Variants in CDH12 observed in about 807,000 individuals in gnomAD.
CDH12 encodes cadherin 12, also known as cadherin-12.
CDH12 carries 41 observed loss-of-function variants against 74.1 expected under a neutral mutation model. The observed-to-expected ratio is 0.55, with a 90% CI of 0.43 to 0.72. The LOEUF (loss-of-function observed/expected upper bound fraction) is 0.72. Among genes scored for constraint, CDH12 ranks in the 30% least tolerant of loss-of-function variants. CDH12 has a pLI of 0.00. For synonymous variants in CDH12, 399 were observed against 355.0 expected (o/e 1.12, Z -1.39); for missense variants, 945 against 977.2 (o/e 0.97, Z 0.44).
chr5:21,944,985 G>C (rs952357923), intron 6 of CDH12, among the ~76,000 whole-genome samples: 1 of 151,860 alleles, frequency 6.6e-6, no homozygotes, highest in African/African-American at 2.4e-5. Flanking sequence ...CATCAATAGG[G>C]AACCATCTAC....
At chr5:22,235,617 A>T (rs963918005) in intron 3 of CDH12, among the ~76,000 whole-genome samples, 1 of 152,002 alleles carries the variant, frequency 6.6e-6, no homozygotes, top group African/African-American at 2.4e-5. Context: ...AAAACAAATT[A>T]TCTTATATAA....
chr5:22,132,001 G>T (rs1003479059), intron 4 of CDH12, among the ~76,000 whole-genome samples: 1 of 152,118 alleles, frequency 6.6e-6, no homozygotes, highest in African/African-American at 2.4e-5. Flanking sequence ...TTTAAAACGT[G>T]TATCTCCATG....
chr5:22,610,098 T>A (rs943648297), intron 1 of CDH12, among the ~76,000 whole-genome samples: 4 of 152,250 alleles, frequency 2.6e-5, no homozygotes, highest in African/African-American at 4.8e-5. Context: ...CTATACAAAA[T>A]AATGGAGTTT....
intron 1 of CDH12, among the ~76,000 whole-genome samples, chr5:22,711,466 G>T (rs1042374932): frequency 7.2e-5 from 11 of 152,044 alleles, no homozygotes; most frequent in African/African-American, 1.7e-4. Flanking sequence ...ATAACAAAGG[G>T]TATTGCTAAG....
At chr5:22,488,665 A>G (rs997933645) in intron 2 of CDH12, among the ~76,000 whole-genome samples, 2 of 152,066 alleles carry the variant, frequency 1.3e-5, no homozygotes, top group Non-Finnish European at 2.9e-5. Context: ...TAATTATCCT[A>G]GGGCCAACTA....
intron 6 of CDH12, among the ~76,000 whole-genome samples, chr5:21,945,427 CAAAAAAAA>C (rs1167475672): frequency 0.026 from 401 of 15,422 alleles, no homozygotes; most frequent in Middle Eastern, 0.071. Flanking sequence ...CTGTTTCAGA[CAAAAAAAA>C]AAAAAAAAAA....
At chr5:22,045,061 G>C (rs551285360) in intron 5 of CDH12, among the ~76,000 whole-genome samples, 97 of 152,232 alleles carry the variant, frequency 6.4e-4, no homozygotes, top group Middle Eastern at 3.4e-3. Context: ...AAGAATATAC[G>C]AGAAACTCAG....
intron 1 of CDH12, among the ~76,000 whole-genome samples, chr5:22,779,611 G>A (rs1157367533): frequency 6.6e-6 from 1 of 152,156 alleles, no homozygotes; most frequent in Non-Finnish European, 1.5e-5. Flanking sequence ...ATTGGATCAT[G>A]GAGGCAGTTT....
intron 1 of CDH12, among the ~76,000 whole-genome samples, chr5:22,599,284 G>C (rs1054400015): frequency 3.3e-5 from 5 of 152,108 alleles, no homozygotes; most frequent in Non-Finnish European, 5.9e-5. Flanking sequence ...GAAGAATACT[G>C]GGCTGGTGAT....
chr5:22,405,534 T>C (rs189855592), intron 2 of CDH12, among the ~76,000 whole-genome samples, 183 bp from the exon 3 acceptor site: 1 of 152,210 alleles, frequency 6.6e-6, no homozygotes, highest in Admixed American at 6.5e-5. Context: ...AGGCCAAAGA[T>C]AGTAACTCTC....
chr5:22,570,214 C>T (rs1275026515), intron 1 of CDH12, among the ~76,000 whole-genome samples: 1 of 151,846 alleles, frequency 6.6e-6, no homozygotes, highest in Non-Finnish European at 1.5e-5. Context: ...CACCACCACA[C>T]CTGGCTAATT....
intron 7 of CDH12, among the ~76,000 whole-genome samples, chr5:21,845,358 C>A (rs1476639050): frequency 2.0e-5 from 3 of 152,168 alleles, no homozygotes; most frequent in East Asian, 3.9e-4. Context: ...TTCCAGTCAT[C>A]CACTCCTAAT....
chr5:22,300,374 G>A (rs74333893), intron 3 of CDH12, among the ~76,000 whole-genome samples: 4,208 of 152,170 alleles, frequency 0.028, 101 homozygotes, highest in Non-Finnish European at 0.041. Context: ...TAAAAAGACT[G>A]TCTAATATTA....
intron 3 of CDH12, among the ~76,000 whole-genome samples, chr5:22,359,116 T>A (rs1331449678): frequency 6.6e-6 from 1 of 152,034 alleles, no homozygotes; most frequent in Non-Finnish European, 1.5e-5. Flanking sequence ...AATGCTCCAA[T>A]TAAAAGACAC....
chr5:22,336,392 G>T (rs568856959), intron 3 of CDH12, among the ~76,000 whole-genome samples: 4 of 152,186 alleles, frequency 2.6e-5, no homozygotes, highest in African/African-American at 7.2e-5. Context: ...CAAGACAAGG[G>T]GGAAAATATC....
At chr5:22,051,704 A>G (rs1740381166) in intron 5 of CDH12, among the ~76,000 whole-genome samples, 1 of 152,180 alleles carries the variant, frequency 6.6e-6, no homozygotes, top group Non-Finnish European at 1.5e-5. Flanking sequence ...AATCATTTTA[A>G]GTATTTCTCC....
intron 3 of CDH12, among the ~76,000 whole-genome samples, chr5:22,303,864 T>C (rs1049179571): frequency 5.3e-5 from 8 of 152,138 alleles, no homozygotes. Context: ...CACCTGCTTG[T>C]ATGATAGCTC....
chr5:22,128,674 T>C (rs1746016261), intron 4 of CDH12, among the ~76,000 whole-genome samples: 2 of 152,182 alleles, frequency 1.3e-5, no homozygotes, highest in Non-Finnish European at 2.9e-5. Flanking sequence ...TCCCCTAAGA[T>C]ATTCTCACAC....
At chr5:22,720,721 T>G (rs1743836726) in intron 1 of CDH12, among the ~76,000 whole-genome samples, 1 of 152,104 alleles carries the variant, frequency 6.6e-6, no homozygotes. Context: ...CAAAATGCTG[T>G]TAGTGATATG....
Sources: gnomAD v4.1 joint callset for allele counts (sites outside exome capture counted in the v4.1 genomes callset) on GRCh38, gnomAD v4.1.1 for gene constraint, MANE v1.5 for transcripts, NCBI Gene and HGNC (gene_info 2026-07-23, HGNC 2026-07-21) for gene names.